ARHGAP32: variants seen among roughly 807,000 people sequenced by gnomAD.
ARHGAP32 encodes rho GTPase-activating protein 32.
A neutral mutation model predicts 186.5 loss-of-function variants in ARHGAP32; 51 were observed. That is an observed-to-expected ratio of 0.27 (90% CI 0.22 to 0.35). The LOEUF (loss-of-function observed/expected upper bound fraction) is 0.35, where lower values mean the gene tolerates loss of function less well. ARHGAP32 is among the 10% of genes least tolerant of loss of function. The probability of loss-of-function intolerance (pLI) is 1.00; values close to 1 mark genes in which losing one functional copy is unlikely to be tolerated. For missense variants in ARHGAP32, 2,186 were observed against 2,623.5 expected, an observed-to-expected ratio of 0.83 and a Z score of 3.64; for synonymous variants, 950 against 964.3, an observed-to-expected ratio of 0.99 and a Z score of 0.27.
chr11:129,011,672 A>G (rs1938091878), intron 11 of ARHGAP32, among the ~76,000 whole-genome samples: 1 of 152,208 alleles, frequency 6.6e-6, no homozygotes, highest in Non-Finnish European at 1.5e-5. Context: ...AAAATAACCA[A>G]ATATGTTTAT....
At chr11:129,225,639 A>G (rs554465841) in intron 1 of ARHGAP32, among the ~76,000 whole-genome samples, 1 of 152,286 alleles carries the variant, frequency 6.6e-6, no homozygotes, top group East Asian at 1.9e-4. Flanking sequence ...CTGGAGCCAA[A>G]TATGATTTTC....
At chr11:128,998,817 G>C (rs904524645) in intron 11 of ARHGAP32, among the ~76,000 whole-genome samples, 9 of 152,108 alleles carry the variant, frequency 5.9e-5, no homozygotes, top group African/African-American at 2.2e-4. Flanking sequence ...ATCTCTGAAC[G>C]TAAATTGTGA....
At chr11:129,185,467 G>A (rs563923815) in intron 1 of ARHGAP32, among the ~76,000 whole-genome samples, 1 of 152,146 alleles carries the variant, frequency 6.6e-6, no homozygotes, top group Non-Finnish European at 1.5e-5. Context: ...TGAGGGGAGA[G>A]GAGAGGGATA....
At position 128,973,190 on chromosome 11, in the gene ARHGAP32, C is replaced by T; in HGVS notation, c.3316G>A (p.Ala1106Thr). Reference sequence around the variant, plus strand: ...GTTTGGAAATAGGCCTTATCTAGAGCAACTGCAGAGTAAGAACTGGACAGA... The same window carrying T: ...GTTTGGAAATAGGCCTTATCTAGAGTAACTGCAGAGTAAGAACTGGACAGA... ...DNLSSSYSAV[A>T]LDKAYFQTDR... The change falls in exon 22 of 23, where the codon GCT (alanine) becomes ACT (threonine). Residue 1106 changes from alanine to threonine, a missense_variant. By Grantham distance (58) the Ala-to-Thr change is moderately conservative. Transcript: ENST00000682385. 5 of 1,614,164 alleles carry T rather than the reference C, an allele frequency of 3.1e-6. No individual in the cohort carries two copies. Among genetic ancestry groups the T allele is most frequent in the Non-Finnish European group, 4.2e-6 (5 of 1,180,038 alleles).
chr11:129,182,601 C>G (rs898305252), intron 1 of ARHGAP32, among the ~76,000 whole-genome samples: 1 of 150,466 alleles, frequency 6.6e-6, no homozygotes. Context: ...AAATGCCTTC[C>G]TATTATAAAA....
chr11:128,986,138 A>G (rs1945866594), intron 14 of ARHGAP32, 53 bp from the exon 15 acceptor site: 1 of 1,368,096 alleles, frequency 7.3e-7, no homozygotes, highest in African/African-American at 1.5e-5. Context: ...GTAAAAATGA[A>G]AGTTCACTTA....
chr11:129,160,082 G>A (rs1943497618), intron 2 of ARHGAP32, among the ~76,000 whole-genome samples: 1 of 152,196 alleles, frequency 6.6e-6, no homozygotes, highest in African/African-American at 2.4e-5. Flanking sequence ...CAATAAACTA[G>A]GTATTCATGG....
intron 11 of ARHGAP32, among the ~76,000 whole-genome samples, chr11:129,027,254 T>C (rs974912389): frequency 1.3e-5 from 2 of 152,180 alleles, no homozygotes; most frequent in East Asian, 1.9e-4. Flanking sequence ...ATCTCTCACC[T>C]GGCTCATTTC....
At chr11:129,030,076 T>G (rs1939047932) in intron 11 of ARHGAP32, among the ~76,000 whole-genome samples, 1 of 152,148 alleles carries the variant, frequency 6.6e-6, no homozygotes, top group Non-Finnish European at 1.5e-5. Context: ...ATTTTAGTAC[T>G]CCTTTGACTC....
At chr11:129,238,913 C>A (rs935881411) in intron 1 of ARHGAP32, among the ~76,000 whole-genome samples, 4 of 152,130 alleles carry the variant, frequency 2.6e-5, no homozygotes, top group Non-Finnish European at 5.9e-5. Flanking sequence ...CGGTTCACTG[C>A]AGCCTCGACC....
chr11:129,181,085 T>C (rs1248821297), intron 1 of ARHGAP32, among the ~76,000 whole-genome samples: 3 of 152,114 alleles, frequency 2.0e-5, no homozygotes, highest in Non-Finnish European at 4.4e-5. Context: ...CCCAGGAATA[T>C]CTTTTCTTCA....
chr11:129,017,948 A>G (rs1938428675), intron 11 of ARHGAP32, among the ~76,000 whole-genome samples: 1 of 152,068 alleles, frequency 6.6e-6, no homozygotes, highest in Non-Finnish European at 1.5e-5. Flanking sequence ...CTGATATTTT[A>G]GTTTGTCTTG....
At chr11:128,994,543 C>CTGG in intron 12 of ARHGAP32, among the ~76,000 whole-genome samples, 1 of 151,500 alleles carries the variant, frequency 6.6e-6, no homozygotes, top group African/African-American at 2.4e-5. Context: ...GGTCTCAAAC[C>CTGG]CCTAGGCTCA....
At chr11:129,227,935 C>A (rs1053868645) in intron 1 of ARHGAP32, among the ~76,000 whole-genome samples, 8 of 152,090 alleles carry the variant, frequency 5.3e-5, no homozygotes, top group African/African-American at 7.2e-5. Flanking sequence ...TATATACATT[C>A]TTCTCAAGTG....
At chr11:129,182,459 T>C (rs1030183153) in intron 1 of ARHGAP32, among the ~76,000 whole-genome samples, 10 of 152,118 alleles carry the variant, frequency 6.6e-5, no homozygotes, top group Non-Finnish European at 4.4e-5. Context: ...ACTTTGTTTT[T>C]TGTAATGCAG....
chr11:129,080,594 A>T (rs1941190867), intron 6 of ARHGAP32, among the ~76,000 whole-genome samples: 1 of 152,166 alleles, frequency 6.6e-6, no homozygotes, highest in Admixed American at 6.5e-5. Context: ...TTTTGGATAC[A>T]GCACTAGTGG....
chr11:129,093,384 G>T (rs75108985), intron 6 of ARHGAP32, among the ~76,000 whole-genome samples: 4,221 of 152,118 alleles, frequency 0.028, 78 homozygotes, highest in Middle Eastern at 0.048. Context: ...CATGCAAGTT[G>T]CAATGCTCAA....
chr11:129,250,515 A>G (rs1945167264), intron 1 of ARHGAP32, among the ~76,000 whole-genome samples: 1 of 152,194 alleles, frequency 6.6e-6, no homozygotes, highest in South Asian at 2.1e-4. Context: ...TTAAAAAATT[A>G]ATCAGGTTGA....
At chr11:129,193,481 C>CAA (rs1204964930), upstream of ARHGAP32, among the ~76,000 whole-genome samples, 12 of 26,044 alleles carry the variant, frequency 4.6e-4, no homozygotes, top group African/African-American at 1.9e-3. Context: ...GACCCTGTCT[C>CAA]AAAAAAAAAA....
Sources: allele counts gnomAD v4.1 joint callset (sites outside exome capture counted in the v4.1 genomes callset), GRCh38; gene constraint gnomAD v4.1.1; transcripts MANE v1.5; gene names NCBI Gene and HGNC (gene_info 2026-07-23, HGNC 2026-07-21).